Variants in MED27 observed in about 807,000 individuals in gnomAD.
The protein encoded by MED27 is mediator of RNA polymerase II transcription subunit 27.
MED27 carries 30 observed loss-of-function variants against 38.2 expected under a neutral mutation model. That is an observed-to-expected ratio of 0.79 (90% CI 0.59 to 1.07). MED27 has a LOEUF of 1.07. Among genes scored for constraint, MED27 ranks in the 50% least tolerant of loss-of-function variants. The pLI is 0.00. For missense variants in MED27, 289 were observed against 397.5 expected (o/e 0.73, Z 2.32); for synonymous variants, 122 against 153.5 (o/e 0.79, Z 1.52).
chr9:131,868,992 T>G, intron 6 of MED27: 1 of 985,468 alleles, frequency 1.0e-6, no homozygotes, highest in Non-Finnish European at 1.2e-6. Flanking sequence ...CTAATTAGTT[T>G]TTCCATTGCT....
Position 132,006,410 on chromosome 9 carries a change from T to C in MED27, c.479+7927A>G, listed in dbSNP as rs114541269. Among the ~76,000 whole-genome samples the C allele has an allele frequency of 9.7e-3, 1,470 of 152,310 alleles. 23 individuals are homozygous for C. Among genetic ancestry groups the C allele is most frequent in the African/African-American group, 0.034 (1,399 of 41,552 alleles). ...TAAAAAGAGATGCCAGATATTCTTG[T>C]TCAAGGTTCCTGTCCCTTCAAAGTT... On this transcript the variant is annotated intron_variant, in intron 3 of 7. Transcript: ENST00000292035.
chr9:132,067,893 T>C (rs947159701), intron 2 of MED27, among the ~76,000 whole-genome samples: 1 of 152,232 alleles, frequency 6.6e-6, no homozygotes, highest in East Asian at 1.9e-4. Flanking sequence ...TTGTATTTTT[T>C]AGTAGAGACG....
At chr9:131,985,332 AATAAG>A (rs578098421) in intron 3 of MED27, among the ~76,000 whole-genome samples, 41 of 152,338 alleles carry the variant, frequency 2.7e-4, no homozygotes, top group African/African-American at 9.4e-4. Context: ...CCTGCTCCCA[AATAAG>A]ATGAGAAAAT....
At chr9:131,993,321 G>A (rs552057601) in intron 3 of MED27, among the ~76,000 whole-genome samples, 1 of 152,234 alleles carries the variant, frequency 6.6e-6, no homozygotes, top group African/African-American at 2.4e-5. Context: ...TAGGGGAAGG[G>A]GGAGAAATGA....
At chr9:131,942,158 T>A (rs1830800343) in intron 3 of MED27, among the ~76,000 whole-genome samples, 1 of 152,110 alleles carries the variant, frequency 6.6e-6, no homozygotes, top group Non-Finnish European at 1.5e-5. Flanking sequence ...ATAAACAATC[T>A]TTCCTGGATG....
intron 3 of MED27, among the ~76,000 whole-genome samples, chr9:132,006,330 ATTCATGGTTTATTCACTGTTACT>A (rs1463873546): frequency 1.3e-5 from 2 of 152,232 alleles, no homozygotes; most frequent in Admixed American, 6.5e-5. Flanking sequence ...TTTGTATCAC[ATTCATGGTTTATTCACTGTTACT>A]TTGCTCAGAG....
At chr9:131,962,926 C>A (rs1831247725) in intron 3 of MED27, among the ~76,000 whole-genome samples, 1 of 152,154 alleles carries the variant, frequency 6.6e-6, no homozygotes, top group Non-Finnish European at 1.5e-5. Context: ...TTTTAAGTAA[C>A]TGGCTAATGA....
chr9:131,937,785 G>A (rs1387270497), intron 4 of MED27, among the ~76,000 whole-genome samples: 1 of 151,834 alleles, frequency 6.6e-6, no homozygotes, highest in Non-Finnish European at 1.5e-5. Context: ...CTAGGTCTGG[G>A]GTATCTTAAA....
chr9:132,055,108 G>A lies in MED27; in HGVS notation c.348+22334C>T, dbSNP rs943495677. 9.8e-5 allele frequency among the ~76,000 whole-genome samples: 15 copies of A among 152,290 alleles called. 1 individual carries two copies. In the South Asian group the frequency reaches 1.9e-3, roughly 19 times the overall value. On this transcript the variant is annotated intron_variant, in intron 2 of 7. Coordinates refer to ENST00000292035, the MANE Select transcript of MED27 (RefSeq NM_004269.4). ...GCCCTGGAAGCGCTGTGAAGGCAGGGCCTTCAGTTGAGCATACATCCCTGC... is the reference window on the plus strand; with the variant it reads ...GCCCTGGAAGCGCTGTGAAGGCAGGACCTTCAGTTGAGCATACATCCCTGC...
chr9:131,922,373 T>C (rs946698172), intron 4 of MED27, among the ~76,000 whole-genome samples: 2 of 151,510 alleles, frequency 1.3e-5, no homozygotes, highest in Non-Finnish European at 2.9e-5. Flanking sequence ...ATTATGAGTG[T>C]TATTTATTTT....
intron 3 of MED27, among the ~76,000 whole-genome samples, chr9:131,987,002 T>TG (rs1831865430): frequency 1.6e-5 from 2 of 121,814 alleles, no homozygotes; most frequent in Non-Finnish European, 3.3e-5. Flanking sequence ...TTCATGGATT[T>TG]TTTTTTTTTT....
intron 3 of MED27, among the ~76,000 whole-genome samples, chr9:131,987,510 TAG>T (rs1456008761): frequency 3.3e-5 from 5 of 152,168 alleles, no homozygotes; most frequent in Admixed American, 1.3e-4. Flanking sequence ...TCATTCTAAA[TAG>T]AGTCTGTCTT....
intron 4 of MED27, among the ~76,000 whole-genome samples, chr9:131,908,358 C>G (rs1423543128): frequency 6.6e-6 from 1 of 152,198 alleles, no homozygotes; most frequent in Non-Finnish European, 1.5e-5. Flanking sequence ...GCCCGGCCAC[C>G]ACCCCGTCTG....
chr9:131,897,759 A>G (rs1829859049), intron 4 of MED27, among the ~76,000 whole-genome samples: 1 of 152,218 alleles, frequency 6.6e-6, no homozygotes, highest in African/African-American at 2.4e-5. Flanking sequence ...TAAATCTTCC[A>G]TAATAAGAAG....
At chr9:131,910,269 A>C (rs1247954607) in intron 4 of MED27, among the ~76,000 whole-genome samples, 2 of 152,168 alleles carry the variant, frequency 1.3e-5, no homozygotes, top group Non-Finnish European at 2.9e-5. Flanking sequence ...AAATTATAGG[A>C]ATGTATTATG....
chr9:131,903,484 A>C (rs1344332993), intron 4 of MED27, among the ~76,000 whole-genome samples: 1 of 152,138 alleles, frequency 6.6e-6, no homozygotes, highest in Non-Finnish European at 1.5e-5. Flanking sequence ...CGGCACAGGG[A>C]AAGGCAGAGT....
chr9:131,888,043 A>G (rs970547244), intron 5 of MED27, among the ~76,000 whole-genome samples: 1 of 152,160 alleles, frequency 6.6e-6, no homozygotes, highest in African/African-American at 2.4e-5. Flanking sequence ...ACTGGTGAAA[A>G]TGGTGACAAA....
At chr9:132,012,968 C>CA (rs1453079404) in intron 3 of MED27, among the ~76,000 whole-genome samples, 1 of 152,198 alleles carries the variant, frequency 6.6e-6, no homozygotes, top group Non-Finnish European at 1.5e-5. Context: ...TATATGCCAA[C>CA]ACTCCCTTGG....
intron 4 of MED27, among the ~76,000 whole-genome samples, chr9:131,900,170 C>T (rs1422050095): frequency 6.6e-6 from 1 of 152,228 alleles, no homozygotes; most frequent in Non-Finnish European, 1.5e-5. Context: ...CCCAGCCCGC[C>T]TCCCATCTGG....
Sources: allele counts gnomAD v4.1 joint callset (sites outside exome capture counted in the v4.1 genomes callset), GRCh38; gene constraint gnomAD v4.1.1; transcripts MANE v1.5; gene names NCBI Gene and HGNC (gene_info 2026-07-23, HGNC 2026-07-21).